The following RIMS2 variants were observed in gnomAD, a reference collection of about 807,000 sequenced individuals.
RIMS2 encodes regulating synaptic membrane exocytosis protein 2.
RIMS2 carries 59 observed loss-of-function variants against 174.4 expected under a neutral mutation model. The observed-to-expected ratio is 0.34, with a 90% confidence interval of 0.27 to 0.42. The LOEUF is 0.42. Among genes scored for constraint, RIMS2 ranks in the 10% least tolerant of loss-of-function variants. RIMS2 has a pLI of 1.00. For synonymous variants in RIMS2, 606 were observed against 572.5 expected (o/e 1.06, Z -0.84); for missense variants, 1,620 against 1,666.3 (o/e 0.97, Z 0.48).
intron 3 of RIMS2, among the ~76,000 whole-genome samples, chr8:103,845,440 C>A (rs1489472968): frequency 1.3e-5 from 2 of 151,986 alleles, no homozygotes; most frequent in Non-Finnish European, 2.9e-5. Context: ...TATTTTGATG[C>A]CTTACAATTA....
At chr8:104,217,153 T>C (rs902932234) in intron 19 of RIMS2, among the ~76,000 whole-genome samples, 1 of 152,256 alleles carries the variant, frequency 6.6e-6, no homozygotes, top group African/African-American at 2.4e-5. Context: ...TTTAGCTTAC[T>C]CAATAAGTTT....
intron 1 of RIMS2, among the ~76,000 whole-genome samples, chr8:103,673,837 C>T (rs986547343): frequency 6.6e-6 from 1 of 152,184 alleles, no homozygotes; most frequent in African/African-American, 2.4e-5. Flanking sequence ...TTTTCTTTGC[C>T]ACATGGCCAG....
intron 2 of RIMS2, among the ~76,000 whole-genome samples, chr8:103,697,754 C>T (rs546577645): frequency 1.3e-5 from 2 of 151,926 alleles, no homozygotes; most frequent in African/African-American, 4.8e-5. Flanking sequence ...GGGCAGGGTG[C>T]GGTGGCTCAA....
chr8:104,001,357 TACA>T (rs2095380066), intron 17 of RIMS2, among the ~76,000 whole-genome samples: 1 of 151,982 alleles, frequency 6.6e-6, no homozygotes, highest in African/African-American at 2.4e-5. Context: ...CATAAATATG[TACA>T]ACTATTATGT....
intron 16 of RIMS2, chr8:103,976,014 A>C (rs930237688): frequency 6.6e-6 from 1 of 152,608 alleles, no homozygotes; most frequent in African/African-American, 2.4e-5. Flanking sequence ...CACATATTCA[A>C]ATGTCAGTCT....
At chr8:104,164,927 C>T (rs369040417) in intron 19 of RIMS2, among the ~76,000 whole-genome samples, 1 of 151,958 alleles carries the variant, frequency 6.6e-6, no homozygotes, top group South Asian at 2.1e-4. Flanking sequence ...ATGTAACAAA[C>T]CTGCAAATCC....
chr8:103,547,026 A>T (rs1036440044), intron 1 of RIMS2, among the ~76,000 whole-genome samples: 13 of 152,188 alleles, frequency 8.5e-5, no homozygotes, highest in Non-Finnish European at 1.9e-4. Context: ...GCTTGAAGTA[A>T]ACTCCCATGG....
At chr8:104,041,850 G>A (rs1455528295) in intron 19 of RIMS2, among the ~76,000 whole-genome samples, 2 of 151,576 alleles carry the variant, frequency 1.3e-5, no homozygotes, top group African/African-American at 2.4e-5. Context: ...TGGATAACAT[G>A]CACTGTTTAT....
intron 3 of RIMS2, among the ~76,000 whole-genome samples, chr8:103,834,844 G>A (rs549884787): frequency 4.0e-5 from 6 of 150,774 alleles, no homozygotes; most frequent in South Asian, 2.1e-4. Context: ...GCGCTGTCTC[G>A]GCTTACTGCC....
intron 1 of RIMS2, among the ~76,000 whole-genome samples, chr8:103,696,295 G>T (rs759680939): frequency 3.3e-5 from 5 of 151,978 alleles, no homozygotes; most frequent in Non-Finnish European, 5.9e-5. Context: ...CATTTGACTG[G>T]AGTGCCTATC....
chr8:103,909,284 A>G (rs1180312688), intron 4 of RIMS2, among the ~76,000 whole-genome samples: 3 of 152,026 alleles, frequency 2.0e-5, no homozygotes, highest in Admixed American at 1.3e-4. Flanking sequence ...TAAAAGATAT[A>G]TGTACATATA....
rs140667808 is a variant in RIMS2, at chr8:103,670,365, T to C, written c.177-26721T>C. On this transcript the variant is annotated intron_variant, in intron 1 of 23. Transcript: ENST00000504942. ...AGTCTCTGACATGCTCTGGAGATATTTTCCCCATTGTCTTGGCAATTAACA... is the reference window on the plus strand; with the variant it reads ...AGTCTCTGACATGCTCTGGAGATATCTTCCCCATTGTCTTGGCAATTAACA... Among the ~76,000 whole-genome samples, 13 of 152,360 alleles carry C rather than the reference T, an allele frequency of 8.5e-5. No individual in the cohort carries two copies. In the East Asian group the frequency reaches 2.5e-3, roughly 29 times the overall value.
At chr8:103,547,148 C>T (rs1024726697) in intron 1 of RIMS2, among the ~76,000 whole-genome samples, 6 of 151,986 alleles carry the variant, frequency 3.9e-5, no homozygotes, top group Admixed American at 1.3e-4. Flanking sequence ...ATTTGTTAGG[C>T]TTGAATGGAA....
intron 14 of RIMS2, among the ~76,000 whole-genome samples, chr8:103,958,207 G>C (rs939036077): frequency 6.6e-6 from 1 of 152,176 alleles, no homozygotes; most frequent in Non-Finnish European, 1.5e-5. Context: ...ATACACCATA[G>C]AATACTATGA....
At chr8:103,848,661 G>A (rs141856579) in intron 3 of RIMS2, among the ~76,000 whole-genome samples, 18 of 151,936 alleles carry the variant, frequency 1.2e-4, no homozygotes, top group Admixed American at 3.9e-4. Context: ...GAACCCTATG[G>A]GTTTATGTTG....
intron 19 of RIMS2, among the ~76,000 whole-genome samples, chr8:104,061,487 C>G (rs983879855): frequency 6.6e-6 from 1 of 151,778 alleles, no homozygotes; most frequent in Non-Finnish European, 1.5e-5. Context: ...ATTTATAAAT[C>G]ATGTATTAAC....
intron 19 of RIMS2, among the ~76,000 whole-genome samples, chr8:104,062,750 T>C (rs1303319485): frequency 3.3e-5 from 5 of 152,148 alleles, no homozygotes; most frequent in Non-Finnish European, 5.9e-5. Flanking sequence ...ATTTGGCTTT[T>C]TTAGTTTTGT....
intron 19 of RIMS2, among the ~76,000 whole-genome samples, chr8:104,127,298 G>A (rs912275126): frequency 2.0e-5 from 3 of 152,074 alleles, no homozygotes; most frequent in Non-Finnish European, 4.4e-5. Flanking sequence ...CATCAGAAGT[G>A]ACCTAAGGAT....
intron 16 of RIMS2, among the ~76,000 whole-genome samples, chr8:103,984,001 GTC>G (rs1428333818): frequency 6.6e-6 from 1 of 151,850 alleles, no homozygotes; most frequent in Non-Finnish European, 1.5e-5. Context: ...GTGAAACCCC[GTC>G]TCTACTAAAA....
Sources: allele counts gnomAD v4.1 joint callset (sites outside exome capture counted in the v4.1 genomes callset), GRCh38; gene constraint gnomAD v4.1.1; transcripts MANE v1.5; gene names NCBI Gene and HGNC (gene_info 2026-07-23, HGNC 2026-07-21).